Variants in PCDH9 observed in about 807,000 individuals in gnomAD.
PCDH9 encodes protocadherin 9.
Under a neutral mutation model 70.6 loss-of-function variants are expected in PCDH9, and 24 were observed. The ratio of observed to expected loss-of-function variants is 0.34; its 90% confidence interval spans 0.25 to 0.48. PCDH9 has a LOEUF of 0.48. Among genes scored for constraint, PCDH9 ranks in the 20% least tolerant of loss-of-function variants. The probability of loss-of-function intolerance (pLI) is 0.99; values close to 1 mark genes in which losing one functional copy is unlikely to be tolerated. For synonymous variants in PCDH9, 562 were observed against 558.5 expected (o/e 1.01, Z -0.09); for missense variants, 1,281 against 1,503.6 (o/e 0.85, Z 2.45).
At chr13:67,167,777 C>A (rs1566469811) in intron 2 of PCDH9, among the ~76,000 whole-genome samples, 1 of 152,130 alleles carries the variant, frequency 6.6e-6, no homozygotes, top group Non-Finnish European at 1.5e-5. Flanking sequence ...CACCGTGGAA[C>A]TAATTATTGT....
chr13:67,018,899 G>C (rs1040149024), intron 2 of PCDH9, among the ~76,000 whole-genome samples: 4 of 151,940 alleles, frequency 2.6e-5, no homozygotes, highest in Admixed American at 2.6e-4. Context: ...TAACTTATTT[G>C]ACAAATAAGA....
At chr13:66,958,879 G>A (rs141862310) in intron 2 of PCDH9, among the ~76,000 whole-genome samples, 74 of 152,230 alleles carry the variant, frequency 4.9e-4, no homozygotes, top group Admixed American at 9.2e-4. Context: ...ATACTTAGAC[G>A]TTTTTCTCAG....
intron 3 of PCDH9, among the ~76,000 whole-genome samples, chr13:66,659,599 T>A (rs2077980383): frequency 7.2e-6 from 1 of 139,112 alleles, no homozygotes; most frequent in Admixed American, 7.2e-5. Flanking sequence ...TGCTTAATCT[T>A]TCGCAGGTTT....
At chr13:66,434,656 T>G (rs1227076305) in intron 4 of PCDH9, among the ~76,000 whole-genome samples, 1 of 152,002 alleles carries the variant, frequency 6.6e-6, no homozygotes, top group African/African-American at 2.4e-5. Flanking sequence ...CCTATGGACT[T>G]AAAATATATG....
At chr13:66,990,280 C>T (rs1015851479) in intron 2 of PCDH9, among the ~76,000 whole-genome samples, 1 of 151,668 alleles carries the variant, frequency 6.6e-6, no homozygotes, top group African/African-American at 2.4e-5. Flanking sequence ...AAGCAACAAA[C>T]TCCAAGCATT....
intron 3 of PCDH9, among the ~76,000 whole-genome samples, chr13:66,738,318 C>T (rs1346771201): frequency 4.0e-5 from 6 of 151,688 alleles, no homozygotes; most frequent in South Asian, 4.2e-4. Context: ...ACAGAAAGGA[C>T]ATCCACACCG....
At chr13:66,651,320 T>G (rs1427502220) in intron 3 of PCDH9, among the ~76,000 whole-genome samples, 1 of 151,860 alleles carries the variant, frequency 6.6e-6, no homozygotes, top group Non-Finnish European at 1.5e-5. Context: ...AGATGAAAAC[T>G]GAGACATTAC....
intron 2 of PCDH9, among the ~76,000 whole-genome samples, chr13:67,086,153 C>G (rs561237256): frequency 6.6e-6 from 1 of 152,114 alleles, no homozygotes. Context: ...AGATTTTATT[C>G]TTTATGTATA....
chr13:66,963,252 C>T (rs150956517), intron 2 of PCDH9, among the ~76,000 whole-genome samples: 21 of 152,236 alleles, frequency 1.4e-4, no homozygotes, highest in African/African-American at 1.9e-4. Context: ...GAGACTGGTA[C>T]CGGTTCATAG....
rs578053368 is a variant in PCDH9, at chr13:67,013,253, T to C, written c.3037-109648A>G. On this transcript the variant is annotated intron_variant, in intron 2 of 4. Coordinates refer to ENST00000377865, the MANE Select transcript of PCDH9 (RefSeq NM_203487.3). ...AGGCCATATCCTAAACATATACTTG[T>C]TTTTTAATGTAACACACACACACAC... is the stretch of plus-strand genomic sequence containing the variant. Among the ~76,000 whole-genome samples the C allele has an allele frequency of 1.4e-4, 17 of 120,446 alleles. No individual in the cohort carries two copies. The East Asian group carries it at 3.3e-3, about 24-fold the overall frequency. 79.0% of individuals were successfully genotyped at this position (120,446 alleles called of 152,430 possible).
rs199791250 is a variant in PCDH9 at position 66,932,659 on chromosome 13, C to CATATATATATAT, written c.3037-29066_3037-29055dup. ...CTAGGCTTAAATGTGTAAATCCTCA[C>CATATATATATAT]ATATATATATATATATATATATACA... On this transcript the variant is annotated intron_variant, in intron 2 of 4. Coordinates refer to ENST00000377865, the MANE Select transcript of PCDH9 (RefSeq NM_203487.3). Among the ~76,000 whole-genome samples the CATATATATATAT allele has an allele frequency of 7.7e-3, 998 of 130,284 alleles. 5 individuals carry two copies. Among genetic ancestry groups the CATATATATATAT allele is most frequent in the Middle Eastern group, 0.025 (6 of 240 alleles). 85.5% of individuals were successfully genotyped at this position (130,284 alleles called of 152,430 possible).
At chr13:67,012,952 T>A (rs1022705177) in intron 2 of PCDH9, among the ~76,000 whole-genome samples, 8 of 151,928 alleles carry the variant, frequency 5.3e-5, no homozygotes, top group African/African-American at 1.9e-4. Context: ...TTAGGCCCAA[T>A]TACTAGGTGA....
chr13:66,781,813 A>C (rs1240911816), intron 3 of PCDH9, among the ~76,000 whole-genome samples: 1 of 152,184 alleles, frequency 6.6e-6, no homozygotes, highest in Non-Finnish European at 1.5e-5. Flanking sequence ...TAAGTAATGA[A>C]CTTACTTTAG....
At chr13:66,883,007 G>A (rs2139542777) in intron 3 of PCDH9, among the ~76,000 whole-genome samples, 2 of 152,210 alleles carry the variant, frequency 1.3e-5, no homozygotes, top group South Asian at 4.1e-4. Context: ...GTCCTTCAGT[G>A]TCCAGATAAA....
intron 4 of PCDH9, among the ~76,000 whole-genome samples, chr13:66,402,430 T>G (rs1019532732): frequency 6.6e-6 from 1 of 151,996 alleles, no homozygotes; most frequent in Non-Finnish European, 1.5e-5. Context: ...ATATCTATCT[T>G]ATTATTATAA....
intron 3 of PCDH9, among the ~76,000 whole-genome samples, chr13:66,896,549 TATA>T (rs1418685001): frequency 6.6e-6 from 1 of 151,790 alleles, no homozygotes; most frequent in African/African-American, 2.4e-5. Context: ...AATTGTTATG[TATA>T]ATAATTTCTA....
chr13:66,436,250 G>A (rs1957866753), intron 4 of PCDH9, among the ~76,000 whole-genome samples: 1 of 152,120 alleles, frequency 6.6e-6, no homozygotes. Flanking sequence ...TTTGAATAAT[G>A]TGTTTTAAAA....
intron 3 of PCDH9, among the ~76,000 whole-genome samples, chr13:66,849,871 G>T (rs184531671): frequency 1.1e-3 from 160 of 152,234 alleles, no homozygotes; most frequent in African/African-American, 3.6e-3. Context: ...TGACCTTGGT[G>T]CTGGCACATT....
rs73505827 is a variant in PCDH9 at position 66,324,933 on chromosome 13, G to A, written c.3341-19905C>T. Among the ~76,000 whole-genome samples, 581 of 151,782 alleles carry A rather than the reference G, an allele frequency of 3.8e-3. 9 individuals carry two copies. Among genetic ancestry groups the A allele is most frequent in the African/African-American group, 0.013 (533 of 41,250 alleles). ...CTGGACACATATGCAAACTTAGAGC[G>A]TCTGTCATCTCTCACTTCAATTGTG... On this transcript the variant is annotated intron_variant, in intron 4 of 4. Coordinates refer to ENST00000377865, the MANE Select transcript of PCDH9 (RefSeq NM_203487.3).
Sources: allele counts gnomAD v4.1 joint callset (sites outside exome capture counted in the v4.1 genomes callset), GRCh38; gene constraint gnomAD v4.1.1; transcripts MANE v1.5; gene names NCBI Gene and HGNC (gene_info 2026-07-23, HGNC 2026-07-21).